The following ARHGAP10 variants were observed in gnomAD, a reference collection of about 807,000 sequenced individuals.
ARHGAP10 encodes rho GTPase-activating protein 10.
ARHGAP10 carries 87 observed loss-of-function variants against 108.6 expected under a neutral mutation model. That is an observed-to-expected ratio of 0.80 (90% confidence interval 0.67 to 0.96). The LOEUF (loss-of-function observed/expected upper bound fraction) is 0.96. Ranked by LOEUF, ARHGAP10 falls within the 40% of genes least tolerant of loss-of-function variation. The pLI is 0.00. For synonymous variants in ARHGAP10, 347 were observed against 341.1 expected, an observed-to-expected ratio of 1.02 and a Z score of -0.19; for missense variants, 939 against 954.5, an observed-to-expected ratio of 0.98 and a Z score of 0.21.
chr4:148,042,525 G>A (rs1578818738), intron 19 of ARHGAP10, among the ~76,000 whole-genome samples: 3 of 152,262 alleles, frequency 2.0e-5, no homozygotes, highest in Middle Eastern at 3.4e-3. Flanking sequence ...TCGACCAGAG[G>A]CTTTTTCCTT....
chr4:147,815,131 A>G (rs1732185861), intron 1 of ARHGAP10, among the ~76,000 whole-genome samples: 1 of 152,144 alleles, frequency 6.6e-6, no homozygotes, highest in Non-Finnish European at 1.5e-5. Flanking sequence ...TCTCACCTGG[A>G]TCAGGACAGG....
chr4:147,961,900 G>T (rs1353839423), intron 16 of ARHGAP10, among the ~76,000 whole-genome samples: 2 of 152,052 alleles, frequency 1.3e-5, no homozygotes, highest in Admixed American at 1.3e-4. Flanking sequence ...CTCCTTGGCT[G>T]CATTGCCTGC....
intron 18 of ARHGAP10, among the ~76,000 whole-genome samples, chr4:147,987,017 T>A (rs1313927351): frequency 6.6e-6 from 1 of 152,238 alleles, no homozygotes; most frequent in Admixed American, 6.5e-5. Context: ...AAACAGCAGA[T>A]AACGGGATTA....
intron 13 of ARHGAP10, among the ~76,000 whole-genome samples, chr4:147,934,657 T>C (rs554329753): frequency 4.6e-4 from 70 of 152,228 alleles, no homozygotes; most frequent in African/African-American, 1.7e-3. Flanking sequence ...GGCAACATAG[T>C]GAGACCCGCT....
At chr4:148,049,929 A>G (rs1729058545) in intron 20 of ARHGAP10, among the ~76,000 whole-genome samples, 1 of 151,614 alleles carries the variant, frequency 6.6e-6, no homozygotes, top group African/African-American at 2.4e-5. Flanking sequence ...GTGTGGTGGC[A>G]TGATCTCGGC....
rs368217052 is a variant in ARHGAP10, at chr4:147,847,078, G to A, written c.313-73G>A. The stretch of plus-strand genomic sequence containing the variant: ...TTCTTTCTGGGTGGGATGGAAGAGG[G>A]AAATGAAATACTAATTTTTTCCTTT... On this transcript the variant is annotated intron_variant, in intron 3 of 22. Transcript: ENST00000336498. 4.7e-5 allele frequency: 59 copies of A among 1,254,082 alleles called. 4 individuals are homozygous for A. In the South Asian group the frequency reaches 7.6e-4, roughly 16 times the overall value. The allele number at this position is 1,254,082 out of a possible 1,614,324, so 77.7% of individuals were successfully genotyped here.
chr4:148,028,387 T>C (rs1727979022), intron 19 of ARHGAP10, among the ~76,000 whole-genome samples: 1 of 152,160 alleles, frequency 6.6e-6, no homozygotes, highest in Non-Finnish European at 1.5e-5. Flanking sequence ...GGAATATGTA[T>C]CCTGACTGTA....
intron 18 of ARHGAP10, among the ~76,000 whole-genome samples, chr4:148,020,231 G>T (rs951841757): frequency 6.6e-6 from 1 of 152,112 alleles, no homozygotes; most frequent in African/African-American, 2.4e-5. Flanking sequence ...GCTTGGCAAG[G>T]TTCAAGGAAT....
At chr4:147,930,827 C>T (rs1737649333) in intron 13 of ARHGAP10, among the ~76,000 whole-genome samples, 1 of 152,148 alleles carries the variant, frequency 6.6e-6, no homozygotes, top group African/African-American at 2.4e-5. Context: ...TTATCTCTAC[C>T]TCTCTTGTTT....
chr4:148,064,355 T>C, intron 21 of ARHGAP10, 61 bp from the exon 22 acceptor site: 3 of 1,496,744 alleles, frequency 2.0e-6, no homozygotes, highest in Non-Finnish European at 2.8e-6. Context: ...GGTTGGGGGG[T>C]GAAGTTTCTC....
At chr4:147,948,327 TATA>T (rs1738466921) in intron 15 of ARHGAP10, among the ~76,000 whole-genome samples, 1 of 152,196 alleles carries the variant, frequency 6.6e-6, no homozygotes, top group South Asian at 2.1e-4. Context: ...TCAGTCAAAA[TATA>T]ATTATTATGC....
In ARHGAP10 at chr4:148,072,438, T is replaced by A. The variant is rs954914265; in HGVS notation, c.*357T>A. ...GTCACGCCACCAGAGCCACCCTGGC[T>A]CCCTCTCCTCCCTGAGCACCTGCTG... On this transcript the variant is annotated 3_prime_UTR_variant, in exon 23 of 23. Transcript: ENST00000336498. 1 of 241,944 alleles carries A rather than the reference T, an allele frequency of 4.1e-6. No individual in the cohort carries two copies. Among genetic ancestry groups the A allele is most frequent in the African/African-American group, 2.3e-5 (1 of 44,400 alleles). 15.0% of individuals were successfully genotyped at this position (241,944 alleles called of 1,614,324 possible).
intron 4 of ARHGAP10, among the ~76,000 whole-genome samples, chr4:147,855,772 C>T (rs1235133750): frequency 6.7e-6 from 1 of 149,034 alleles, no homozygotes; most frequent in East Asian, 2.0e-4. Flanking sequence ...TCCTGAGTCT[C>T]TCCTCCTCCA....
chr4:147,774,525 C>T (rs1730208179), intron 1 of ARHGAP10, among the ~76,000 whole-genome samples: 1 of 152,180 alleles, frequency 6.6e-6, no homozygotes, highest in Admixed American at 6.5e-5. Flanking sequence ...ATCTCTTTTT[C>T]TTCCCCTCAG....
intron 3 of ARHGAP10, among the ~76,000 whole-genome samples, chr4:147,826,318 T>G (rs1732706418): frequency 6.6e-6 from 1 of 152,120 alleles, no homozygotes; most frequent in South Asian, 2.1e-4. Flanking sequence ...AACTGGCTGG[T>G]TTAAGCTCCA....
chr4:147,926,269 G>A (rs1159817199), intron 13 of ARHGAP10, among the ~76,000 whole-genome samples: 1 of 152,198 alleles, frequency 6.6e-6, no homozygotes, highest in Non-Finnish European at 1.5e-5. Flanking sequence ...ATGGGGGTAA[G>A]ATGGAAGGCA....
At chr4:147,851,930 T>C (rs1198312854) in intron 4 of ARHGAP10, among the ~76,000 whole-genome samples, 1 of 152,218 alleles carries the variant, frequency 6.6e-6, no homozygotes, top group Non-Finnish European at 1.5e-5. Context: ...CCTCTTTCGG[T>C]GCCTTAATTA....
chr4:147,956,165 A>G (rs1436053223), intron 16 of ARHGAP10, among the ~76,000 whole-genome samples: 4 of 152,178 alleles, frequency 2.6e-5, no homozygotes, highest in African/African-American at 7.2e-5. Context: ...TAAAACCTGC[A>G]GTATTGGTTT....
intron 18 of ARHGAP10, among the ~76,000 whole-genome samples, chr4:147,993,423 G>C (rs1395296): frequency 0.019 from 2,873 of 152,286 alleles, 61 homozygotes; most frequent in South Asian, 0.093. Context: ...CATAACAATA[G>C]TTAAATGACC....
Sources: allele counts gnomAD v4.1 joint callset (sites outside exome capture counted in the v4.1 genomes callset), GRCh38; gene constraint gnomAD v4.1.1; transcripts MANE v1.5; gene names NCBI Gene and HGNC (gene_info 2026-07-23, HGNC 2026-07-21).